The following ST3GAL1 variants were observed in gnomAD, a reference collection of about 807,000 sequenced individuals.
ST3GAL1 encodes the protein ST3 beta-galactoside alpha-2,3-sialyltransferase 1.
In ST3GAL1, 16 loss-of-function variants were observed where a neutral mutation model predicts 34.1. The observed-to-expected ratio is 0.47, with a 90% CI of 0.32 to 0.71. ST3GAL1 has a LOEUF of 0.71. Among genes scored for constraint, ST3GAL1 ranks in the 30% least tolerant of loss-of-function variants. The pLI, the probability that ST3GAL1 is intolerant of heterozygous loss-of-function variation, is 0.04. For synonymous variants in ST3GAL1, 191 were observed against 184.7 expected, an observed-to-expected ratio of 1.03 and a Z score of -0.28; for missense variants, 353 against 447.4, an observed-to-expected ratio of 0.79 and a Z score of 1.90.
intron 2 of ST3GAL1, among the ~76,000 whole-genome samples, chr8:133,531,839 G>T (rs1380895686): frequency 1.0e-5 from 1 of 96,836 alleles, no homozygotes; most frequent in African/African-American, 3.8e-5. Flanking sequence ...AAAAAAAAAA[G>T]CCATGTTCTT....
rs1815501376 is a variant in ST3GAL1, at chr8:133,461,508, C to T, written c.849+367G>A. Among the ~76,000 whole-genome samples, 1 of 152,146 alleles carries T rather than the reference C, an allele frequency of 6.6e-6. No individual in the cohort carries two copies. Among genetic ancestry groups the T allele is most frequent in the African/African-American group, 2.4e-5 (1 of 41,430 alleles). ...CCAAGGTGTGGCTTGGGTGCTGGAA[C>T]TTAGACCCACAGATGATTCTAAGGA... On this transcript the variant is annotated intron_variant, in intron 9 of 9. Transcript: ENST00000522652. This position sits in a 1 kb window ranked among gnomAD's most constrained non-coding sequence, Gnocchi z 4.7.
chr8:133,530,645 G>A (rs1049001479), intron 2 of ST3GAL1, among the ~76,000 whole-genome samples: 12 of 152,138 alleles, frequency 7.9e-5, no homozygotes, highest in African/African-American at 2.9e-4. Context: ...GGCTTTTGTT[G>A]TTGTTGTTCT....
chr8:133,511,032 G>A (rs1817487028), intron 2 of ST3GAL1, among the ~76,000 whole-genome samples: 1 of 152,204 alleles, frequency 6.6e-6, no homozygotes, highest in South Asian at 2.1e-4. Context: ...ATAGCAGATA[G>A]AGGGCAAAGA....
intron 3 of ST3GAL1, among the ~76,000 whole-genome samples, chr8:133,489,176 C>T (rs1181242618): frequency 6.6e-6 from 1 of 152,206 alleles, no homozygotes; most frequent in African/African-American, 2.4e-5. Context: ...CTGTTTCCTA[C>T]ACCACACTAT....
intron 3 of ST3GAL1, among the ~76,000 whole-genome samples, chr8:133,487,788 G>A (rs1816660543): frequency 6.6e-6 from 1 of 152,092 alleles, no homozygotes; most frequent in Non-Finnish European, 1.5e-5. Flanking sequence ...AGACAACATG[G>A]TGAAACCCTA....
At chr8:133,511,424 C>T (rs531506191) in intron 2 of ST3GAL1, among the ~76,000 whole-genome samples, 10 of 152,326 alleles carry the variant, frequency 6.6e-5, no homozygotes, top group Admixed American at 2.0e-4. Context: ...CATTTCCCAG[C>T]TATGTAGATG....
intron 7 of ST3GAL1, among the ~76,000 whole-genome samples, chr8:133,464,524 C>A (rs1815651181): frequency 6.6e-6 from 1 of 152,250 alleles, no homozygotes; most frequent in Admixed American, 6.5e-5. Flanking sequence ...CCCATAGAGT[C>A]TCCAGGGCGC....
chr8:133,493,635 A>G (rs1161933925), intron 3 of ST3GAL1, among the ~76,000 whole-genome samples: 1 of 152,232 alleles, frequency 6.6e-6, no homozygotes, highest in Non-Finnish European at 1.5e-5. Context: ...CCACAAGGTC[A>G]GGAGTTTGAG....
At chr8:133,537,902 A>C (rs994065927) in intron 2 of ST3GAL1, among the ~76,000 whole-genome samples, 4 of 152,148 alleles carry the variant, frequency 2.6e-5, no homozygotes, top group African/African-American at 9.7e-5. Context: ...CCTTTCTAGA[A>C]GATGGTAATG....
intron 3 of ST3GAL1, among the ~76,000 whole-genome samples, chr8:133,491,198 A>G (rs1211386758): frequency 1.3e-5 from 2 of 152,192 alleles, no homozygotes; most frequent in East Asian, 3.8e-4. Context: ...TTTCATATTC[A>G]TAGCCTCACA....
chr8:133,491,171 G>T (rs1816772169), intron 3 of ST3GAL1, among the ~76,000 whole-genome samples: 1 of 152,174 alleles, frequency 6.6e-6, no homozygotes, highest in Non-Finnish European at 1.5e-5. Context: ...GGTCACATGA[G>T]AAGGAGGCGA....
rs183854192 is a variant in ST3GAL1, at chr8:133,459,740, G to A, written c.*24C>T. ...TGGAAATGCAGAGGTGTGACAGTGC[G>A]TCCATCCTCAGCCCTTCACTGCGTC... On this transcript the variant is annotated 3_prime_UTR_variant, in exon 10 of 10. Transcript: ENST00000522652. This position sits in a 1 kb window ranked among gnomAD's most constrained non-coding sequence, Gnocchi z 4.7. 64 of 1,589,430 alleles carry A rather than the reference G, an allele frequency of 4.0e-5. No homozygotes were observed. Among genetic ancestry groups the A allele is most frequent in the East Asian group, 2.5e-4 (11 of 43,896 alleles).
intron 3 of ST3GAL1, among the ~76,000 whole-genome samples, chr8:133,482,178 C>T (rs1287891096): frequency 6.6e-6 from 1 of 152,130 alleles, no homozygotes; most frequent in Non-Finnish European, 1.5e-5. Context: ...GGTCTTCGCA[C>T]CTCAAGTCCT....
intron 3 of ST3GAL1, among the ~76,000 whole-genome samples, chr8:133,497,253 G>A (rs1463599620): frequency 4.6e-5 from 7 of 152,226 alleles, no homozygotes; most frequent in Admixed American, 3.9e-4. Flanking sequence ...CTGGAAAGAC[G>A]GGCCTGACAC....
Position 133,562,219 on chromosome 8 carries a change from T to C in ST3GAL1, c.-582+9474A>G, listed in dbSNP as rs560353789. Reference sequence around the variant, plus strand: ...CCTGTGAATCCACATCTTTTTTTTTTTTTTTTTTTGAGACAGAGTCTCATT... The same window carrying C: ...CCTGTGAATCCACATCTTTTTTTTTCTTTTTTTTTGAGACAGAGTCTCATT... On this transcript the variant is annotated intron_variant, in intron 1 of 9. Coordinates refer to ENST00000522652, the MANE Select transcript of ST3GAL1 (RefSeq NM_173344.3). 1.7e-4 allele frequency among the ~76,000 whole-genome samples: 26 copies of C among 150,636 alleles called. No homozygotes were observed. In the East Asian group the frequency reaches 4.3e-3, roughly 25 times the overall value.
intron 2 of ST3GAL1, among the ~76,000 whole-genome samples, chr8:133,544,603 G>A (rs1052547499): frequency 2.0e-5 from 3 of 152,090 alleles, no homozygotes; most frequent in Non-Finnish European, 4.4e-5. Context: ...ACACAGAAGC[G>A]ATTGCTTCTT....
rs16904949 is a variant in ST3GAL1, at chr8:133,556,685, A to C, written c.-581-10759T>G. Among the ~76,000 whole-genome samples the C allele has an allele frequency of 6.6e-6, 1 of 152,134 alleles. No individual in the cohort carries two copies. Among genetic ancestry groups the C allele is most frequent in the East Asian group, 1.9e-4 (1 of 5,196 alleles). ...TGGGAAGGAAGAGAAGGGAGAAAGA[A>C]AACTATTAGCCATGGAAACCTTGCA... On this transcript the variant is annotated intron_variant, in intron 1 of 9. Coordinates refer to ENST00000522652, the MANE Select transcript of ST3GAL1 (RefSeq NM_173344.3). The surrounding 1 kb of genome is among the most constrained non-coding windows in gnomAD (Gnocchi z 8.9).
chr8:133,525,755 C>A (rs1022149828), intron 2 of ST3GAL1, among the ~76,000 whole-genome samples: 1 of 152,160 alleles, frequency 6.6e-6, no homozygotes, highest in African/African-American at 2.4e-5. Context: ...TACATACACA[C>A]CCAGCTGGGT....
chr8:133,551,600 AAGAAAGAAAGAAAGAAAG>A (rs1473853368), intron 1 of ST3GAL1, among the ~76,000 whole-genome samples: 100 of 148,142 alleles, frequency 6.8e-4, no homozygotes, highest in East Asian at 4.0e-3. Flanking sequence ...GAAAGAAAGA[AAGAAAGAAAGAAAGAAAG>A]AGCGAGCAAG....
Sources: allele counts gnomAD v4.1 joint callset (sites outside exome capture counted in the v4.1 genomes callset), GRCh38; gene constraint gnomAD v4.1.1; non-coding constraint Gnocchi (gnomAD v3.1); transcripts MANE v1.5; gene names NCBI Gene and HGNC (gene_info 2026-07-23, HGNC 2026-07-21).